CIT: variants seen among roughly 807,000 people sequenced by gnomAD.
CIT encodes citron rho-interacting serine/threonine kinase, also known as citron Rho-interacting kinase.
CIT carries 79 observed loss-of-function variants against 272.7 expected under a neutral mutation model. The ratio of observed to expected loss-of-function variants is 0.29; its 90% CI spans 0.24 to 0.35. The LOEUF (loss-of-function observed/expected upper bound fraction) is 0.35. Among genes scored for constraint, CIT ranks in the 10% least tolerant of loss-of-function variants. The probability of loss-of-function intolerance (pLI) is 1.00; values close to 1 mark genes in which losing one functional copy is unlikely to be tolerated. For missense variants in CIT, 1,909 were observed against 2,618.3 expected, an observed-to-expected ratio of 0.73 and a Z score of 5.91; for synonymous variants, 948 against 995.6, an observed-to-expected ratio of 0.95 and a Z score of 0.90.
At chr12:119,811,549 CCAA>C (rs892536914) in intron 9 of CIT, among the ~76,000 whole-genome samples, 1 of 152,302 alleles carries the variant, frequency 6.6e-6, no homozygotes, top group African/African-American at 2.4e-5. Flanking sequence ...GGTCTGGCTG[CCAA>C]CAACTAGGCA....
rs781663488 is a variant in CIT at position 119,850,157 on chromosome 12, C to T, written c.516+17G>A. 2.1e-6 allele frequency: 3 copies of T among 1,457,888 alleles called. No individual in the cohort carries two copies. Among genetic ancestry groups the T allele is most frequent in the South Asian group, 2.3e-5 (2 of 87,732 alleles). The allele number at this position is 1,457,888 out of a possible 1,614,324, so 90.3% of individuals were successfully genotyped here. A position where few individuals can be genotyped will look rare whatever the true frequency, so the allele number is the denominator to read the frequency against. ...GAGTGCTAGGCTAATTCCAGAGAGA[C>T]AGATGTAAAGACTCACCAGATAAAG... On this transcript the variant is annotated intron_variant, in intron 5 of 47. Coordinates refer to ENST00000392521, the MANE Select transcript of CIT (RefSeq NM_001206999.2).
At position 119,728,659 on chromosome 12, in the gene CIT, G is replaced by A. The variant is rs1958265980; in HGVS notation, c.3487-53C>T. On this transcript the variant is annotated intron_variant, in intron 27 of 47. Coordinates refer to ENST00000392521, the MANE Select transcript of CIT (RefSeq NM_001206999.2). The surrounding 1 kb of genome is among the most constrained non-coding windows in gnomAD (Gnocchi z 4.3). ...GCCACACTTAGGAATGTTAGATGCT[G>A]ACAACGTTTATGAATGTCCACGAAC... 1.6e-6 allele frequency: 2 copies of A among 1,228,346 alleles called. No homozygotes were observed. The highest frequency in any genetic ancestry group is 2.4e-6 in the Non-Finnish European group (2 of 843,570). 76.1% of individuals were successfully genotyped at this position (1,228,346 alleles called of 1,614,324 possible).
At chr12:119,814,415 T>C (rs1966945623) in intron 9 of CIT, among the ~76,000 whole-genome samples, 1 of 152,176 alleles carries the variant, frequency 6.6e-6, no homozygotes, top group African/African-American at 2.4e-5. Context: ...TTTTTTGTTT[T>C]AGTAGGTGGC....
intron 10 of CIT, among the ~76,000 whole-genome samples, chr12:119,786,689 C>A (rs1055833806): frequency 6.6e-6 from 1 of 152,240 alleles, no homozygotes; most frequent in Non-Finnish European, 1.5e-5. Flanking sequence ...CAGTTCCCTG[C>A]AGCAATGCAA....
chr12:119,804,606 C>T lies in CIT; in HGVS notation c.1112-1217G>A. On this transcript the variant is annotated intron_variant, in intron 9 of 47. Transcript: ENST00000392521. This position sits in a 1 kb window ranked among gnomAD's most constrained non-coding sequence, Gnocchi z 5.3. ...TTAACTCCTCGTTTTCTGGACAAAG[C>T]TGGGTGCCAGATATGAGCAGCAAGC... The T allele has an allele frequency of 1.9e-6, 1 of 513,598 alleles. No individual in the cohort carries two copies. Among genetic ancestry groups the T allele is most frequent in the East Asian group, 1.5e-4 (1 of 6,596 alleles). 31.8% of individuals were successfully genotyped at this position (513,598 alleles called of 1,614,324 possible).
intron 4 of CIT, among the ~76,000 whole-genome samples, chr12:119,853,097 C>T (rs1970339134): frequency 6.6e-6 from 1 of 151,966 alleles, no homozygotes; most frequent in South Asian, 2.1e-4. Context: ...GAGGCCAAGG[C>T]ACGTGGACTA....
intron 8 of CIT, among the ~76,000 whole-genome samples, chr12:119,824,937 T>A (rs970839061): frequency 6.6e-6 from 1 of 152,144 alleles, no homozygotes; most frequent in African/African-American, 2.4e-5. Flanking sequence ...TAGCTGGGAC[T>A]ACAGGCGCCC....
intron 2 of CIT, among the ~76,000 whole-genome samples, chr12:119,875,664 T>C (rs1235370749): frequency 6.6e-6 from 1 of 151,976 alleles, no homozygotes; most frequent in Non-Finnish European, 1.5e-5. Flanking sequence ...AAAACAGAAT[T>C]TCCCCTAAAA....
Position 119,851,437 on chromosome 12 carries a change from G to C in CIT, c.415-1162C>G, listed in dbSNP as rs567624838. Among the ~76,000 whole-genome samples the C allele has an allele frequency of 2.6e-5, 4 of 152,260 alleles. No homozygotes were observed. The South Asian group carries it at 8.3e-4, about 32-fold the overall frequency. On this transcript the variant is annotated intron_variant, in intron 4 of 47. Coordinates refer to ENST00000392521, the MANE Select transcript of CIT (RefSeq NM_001206999.2). ...TCTAAACACCATTGTCCACTGAAAGGCACAGGGCTCCTCTGAGAAATGACT... is the reference window on the plus strand; with the variant it reads ...TCTAAACACCATTGTCCACTGAAAGCCACAGGGCTCCTCTGAGAAATGACT...
chr12:119,864,480 T>C (rs1234649887), intron 3 of CIT, among the ~76,000 whole-genome samples: 1 of 152,138 alleles, frequency 6.6e-6, no homozygotes, highest in East Asian at 1.9e-4. Context: ...GGACCACAGA[T>C]GTGCGTCCCC....
At chr12:119,764,997 C>T (rs1489239970) in intron 19 of CIT, among the ~76,000 whole-genome samples, 6 of 151,598 alleles carry the variant, frequency 4.0e-5, no homozygotes, top group Non-Finnish European at 5.9e-5. Context: ...TTAGTAGAGG[C>T]GGGGTTTCAC....
At chr12:119,730,009 G>A (rs550515864) in intron 27 of CIT, among the ~76,000 whole-genome samples, 29 of 152,182 alleles carry the variant, frequency 1.9e-4, no homozygotes, top group Admixed American at 1.5e-3. Context: ...GATGGAACAC[G>A]TGTATTTCCG....
intron 3 of CIT, among the ~76,000 whole-genome samples, chr12:119,861,854 C>G (rs1950347641): frequency 6.6e-6 from 1 of 152,164 alleles, no homozygotes; most frequent in South Asian, 2.1e-4. Flanking sequence ...AAAGGTTCAT[C>G]AACAGAAAAG....
At chr12:119,698,234 T>C (rs1439354015) in intron 44 of CIT, 180 bp from the exon 45 acceptor site, 1 of 637,900 alleles carries the variant, frequency 1.6e-6, no homozygotes, top group African/African-American at 1.8e-5. Context: ...TGCCGTGTGG[T>C]TTGTTACAGC....
intron 9 of CIT, among the ~76,000 whole-genome samples, chr12:119,814,573 T>C (rs542764010): frequency 1.3e-5 from 2 of 152,082 alleles, no homozygotes; most frequent in South Asian, 4.2e-4. Flanking sequence ...AGTAAGTGAG[T>C]GTCCAAAAGG....
At chr12:119,729,725 T>C (rs1009409986) in intron 27 of CIT, among the ~76,000 whole-genome samples, 1 of 152,250 alleles carries the variant, frequency 6.6e-6, no homozygotes, top group African/African-American at 2.4e-5. Context: ...GTGGTTTCTA[T>C]ATTTTCCACA....
In CIT at chr12:119,776,834, C is replaced by T. The variant is rs746469294; in HGVS notation, c.1674G>A (p.Gln558=). 4 of 1,613,756 alleles carry T rather than the reference C, an allele frequency of 2.5e-6. No individual in the cohort carries two copies. The Admixed American group carries it at 6.7e-5, about 27-fold the overall frequency. The change falls in exon 14 of 48, where the codon CAG becomes CAA. Residue 558 remains glutamine (Q), a synonymous_variant. Transcript: ENST00000392521. Reference sequence around the variant, plus strand: ...TCAACCTCATTTCTTCCACTTGAGCCTGGTACTCCTAAAGAGCAGGCAATG... The same window carrying T: ...TCAACCTCATTTCTTCCACTTGAGCTTGGTACTCCTAAAGAGCAGGCAATG... ...KLQEIKEQEY[Q]AQVEEMRLMM...
intron 13 of CIT, among the ~76,000 whole-genome samples, chr12:119,781,153 C>T (rs1964252252): frequency 6.6e-6 from 1 of 152,208 alleles, no homozygotes. Context: ...GAGCATGAGT[C>T]AACTGTCAAA....
intron 39 of CIT, 27 bp from the exon 40 acceptor site, chr12:119,708,345 G>A (rs186285642): frequency 2.6e-5 from 40 of 1,532,356 alleles, no homozygotes; most frequent in African/African-American, 7.0e-5. Context: ...ACAACCTCTC[G>A]TCAGTGTGAA....
Sources: allele counts gnomAD v4.1 joint callset (sites outside exome capture counted in the v4.1 genomes callset), GRCh38; gene constraint gnomAD v4.1.1; non-coding constraint Gnocchi (gnomAD v3.1); transcripts MANE v1.5; gene names NCBI Gene and HGNC (gene_info 2026-07-23, HGNC 2026-07-21).